RAP1A: variants seen among roughly 807,000 people sequenced by gnomAD.
The protein encoded by RAP1A is ras-related protein Rap-1A.
A neutral mutation model predicts 26.4 loss-of-function variants in RAP1A; 6 were observed. The observed-to-expected ratio is 0.23, with a 90% CI of 0.12 to 0.45. The LOEUF is 0.45. RAP1A is among the 20% of genes least tolerant of loss of function. The probability of loss-of-function intolerance (pLI) is 0.99; values close to 1 mark genes in which losing one functional copy is unlikely to be tolerated. For synonymous variants in RAP1A, 73 were observed against 79.4 expected, an observed-to-expected ratio of 0.92 and a Z score of 0.43; for missense variants, 121 against 217.2, an observed-to-expected ratio of 0.56 and a Z score of 2.78.
chr1:111,678,755 C>G (rs1391788321), intron 1 of RAP1A, among the ~76,000 whole-genome samples: 1 of 146,474 alleles, frequency 6.8e-6, no homozygotes, highest in Admixed American at 6.7e-5. Context: ...CATGACTGTT[C>G]AGGTGGGTTT....
intron 1 of RAP1A, among the ~76,000 whole-genome samples, chr1:111,640,417 G>A (rs1659858051): frequency 6.6e-6 from 1 of 152,032 alleles, no homozygotes; most frequent in Non-Finnish European, 1.5e-5. Context: ...ATTAGTATCA[G>A]TAAGACTTTA....
chr1:111,673,135 T>C (rs924306077), intron 1 of RAP1A, among the ~76,000 whole-genome samples: 9 of 152,352 alleles, frequency 5.9e-5, no homozygotes, highest in African/African-American at 2.2e-4. Context: ...GTTTTTCTTA[T>C]GATGTACTCT....
chr1:111,628,225 A>G (rs1007194221), intron 1 of RAP1A, among the ~76,000 whole-genome samples: 1 of 152,190 alleles, frequency 6.6e-6, no homozygotes, highest in African/African-American at 2.4e-5. Flanking sequence ...CAGTCTCCTC[A>G]AGGGCAAGAA....
intron 1 of RAP1A, among the ~76,000 whole-genome samples, chr1:111,689,291 C>T (rs1260927376): frequency 6.6e-6 from 1 of 151,176 alleles, no homozygotes; most frequent in African/African-American, 2.4e-5. Context: ...TCTTATTACA[C>T]CCCTAACCCT....
rs75446160 is a variant in RAP1A at position 111,651,406 on chromosome 1, T to G, written c.-28+31472T>G. Among the ~76,000 whole-genome samples the G allele has an allele frequency of 8.6e-3, 1,303 of 152,042 alleles. 17 individuals carry two copies. The highest frequency in any genetic ancestry group is 0.03 in the African/African-American group (1,247 of 41,518). On this transcript the variant is annotated intron_variant, in intron 1 of 7. Transcript: ENST00000369709. ...TCAAAAAAGAAAAATGACTTTGTACTTTTAATAATCACTTAAAAAACCAGT... is the reference window on the plus strand; with the variant it reads ...TCAAAAAAGAAAAATGACTTTGTACGTTTAATAATCACTTAAAAAACCAGT...
At chr1:111,591,744 T>G (rs1263852585) in intron 1 of RAP1A, among the ~76,000 whole-genome samples, 3 of 152,222 alleles carry the variant, frequency 2.0e-5, no homozygotes, top group Admixed American at 6.5e-5. Flanking sequence ...ATCTTTCTGT[T>G]CTGTCATCCT....
At chr1:111,544,335 A>G (rs762896311) in intron 1 of RAP1A, among the ~76,000 whole-genome samples, 4 of 152,112 alleles carry the variant, frequency 2.6e-5, no homozygotes, top group South Asian at 2.1e-4. Context: ...CTACTATCCA[A>G]TTCCAGAGTA....
chr1:111,594,189 A>G (rs141555070), intron 1 of RAP1A, among the ~76,000 whole-genome samples: 2 of 152,336 alleles, frequency 1.3e-5, no homozygotes, highest in African/African-American at 2.4e-5. Context: ...GCAAAATTTG[A>G]TCTTGAGAGG....
intron 1 of RAP1A, among the ~76,000 whole-genome samples, chr1:111,662,136 C>T (rs1391290439): frequency 6.6e-6 from 1 of 152,112 alleles, no homozygotes; most frequent in African/African-American, 2.4e-5. Context: ...TGGCTCACGC[C>T]TGTAATCCCA....
intron 1 of RAP1A, among the ~76,000 whole-genome samples, chr1:111,631,245 A>G (rs1659558932): frequency 6.6e-6 from 1 of 152,176 alleles, no homozygotes; most frequent in Non-Finnish European, 1.5e-5. Flanking sequence ...CAATTTGAGA[A>G]TTTTGATTAG....
At chr1:111,711,245 G>T (rs1368740913) in intron 7 of RAP1A, among the ~76,000 whole-genome samples, 2 of 151,996 alleles carry the variant, frequency 1.3e-5, no homozygotes, top group African/African-American at 4.8e-5. Context: ...GAAGACTCCA[G>T]TTCCAGTTCT....
At chr1:111,622,483 C>G (rs531966810) in intron 1 of RAP1A, among the ~76,000 whole-genome samples, 1 of 152,314 alleles carries the variant, frequency 6.6e-6, no homozygotes, top group South Asian at 2.1e-4. Context: ...ATATATCCCT[C>G]ACTTCTTCAG....
At chr1:111,630,207 TAAAAC>T (rs1659526396) in intron 1 of RAP1A, among the ~76,000 whole-genome samples, 1 of 152,234 alleles carries the variant, frequency 6.6e-6, no homozygotes, top group Non-Finnish European at 1.5e-5. Context: ...AGGATTAAAA[TAAAAC>T]AAAATGAAGT....
chr1:111,553,697 C>A (rs901061949), intron 1 of RAP1A, among the ~76,000 whole-genome samples: 1 of 152,186 alleles, frequency 6.6e-6, no homozygotes. Flanking sequence ...TATTTTCACA[C>A]GTATACTGTG....
intron 1 of RAP1A, chr1:111,563,836 T>A: frequency 6.2e-7 from 1 of 1,609,296 alleles, no homozygotes. Context: ...TATTTTCTGC[T>A]ATGACTCACT....
At chr1:111,630,480 G>A (rs1659536181) in intron 1 of RAP1A, among the ~76,000 whole-genome samples, 1 of 152,134 alleles carries the variant, frequency 6.6e-6, no homozygotes, top group South Asian at 2.1e-4. Context: ...CCACTGAAGG[G>A]TTGATGATAG....
chr1:111,628,232 A>G (rs974397143), intron 1 of RAP1A, among the ~76,000 whole-genome samples: 3 of 152,230 alleles, frequency 2.0e-5, no homozygotes, highest in African/African-American at 7.2e-5. Context: ...CTCAAGGGCA[A>G]GAAATATCTC....
rs1353622057 is a variant in RAP1A at position 111,712,631 on chromosome 1, G to C, written c.*230G>C. ...AATAAGACAATAGTATTTCTCCTTTGCAATAGCAGTTATAACAGATGTGAA... is the reference window on the plus strand; with the variant it reads ...AATAAGACAATAGTATTTCTCCTTTCCAATAGCAGTTATAACAGATGTGAA... On this transcript the variant is annotated 3_prime_UTR_variant, in exon 8 of 8. Coordinates refer to ENST00000369709, the MANE Select transcript of RAP1A (RefSeq NM_002884.4). The C allele has an allele frequency of 6.6e-6, 1 of 152,436 alleles. No individual in the cohort carries two copies. Among genetic ancestry groups the C allele is most frequent in the Non-Finnish European group, 1.5e-5 (1 of 67,926 alleles). The allele number at this position is 152,436 out of a possible 1,614,324, so 9.4% of individuals were successfully genotyped here.
At chr1:111,658,993 C>A (rs1233594523) in intron 1 of RAP1A, among the ~76,000 whole-genome samples, 2 of 152,164 alleles carry the variant, frequency 1.3e-5, no homozygotes, top group African/African-American at 4.8e-5. Flanking sequence ...TAATACTCTT[C>A]TTCATACCTG....
Sources: gnomAD v4.1 joint callset for allele counts (sites outside exome capture counted in the v4.1 genomes callset) on GRCh38, gnomAD v4.1.1 for gene constraint, MANE v1.5 for transcripts, NCBI Gene and HGNC (gene_info 2026-07-23, HGNC 2026-07-21) for gene names.